Variants in ROBO2 observed in about 807,000 individuals in gnomAD.
ROBO2 encodes the protein roundabout guidance receptor 2.
Under a neutral mutation model 160.8 loss-of-function variants are expected in ROBO2, and 53 were observed. That is an observed-to-expected ratio of 0.33 (90% confidence interval 0.26 to 0.41). The LOEUF is 0.41. Among genes scored for constraint, ROBO2 ranks in the 10% least tolerant of loss-of-function variants. The probability of loss-of-function intolerance (pLI) is 1.00; values close to 1 mark genes in which losing one functional copy is unlikely to be tolerated. For missense variants in ROBO2, 1,577 were observed against 1,722.4 expected, an observed-to-expected ratio of 0.92 and a Z score of 1.49; for synonymous variants, 664 against 611.7, an observed-to-expected ratio of 1.09 and a Z score of -1.26.
At chr3:77,359,180 C>T (rs1222109786) in intron 2 of ROBO2, among the ~76,000 whole-genome samples, 2 of 152,126 alleles carry the variant, frequency 1.3e-5, no homozygotes, top group African/African-American at 2.4e-5. Context: ...GGATTTTATT[C>T]GTTTCTCAGG....
rs773311811 is a variant in ROBO2, at chr3:76,972,623, C to T, written c.110-125391C>T. Among the ~76,000 whole-genome samples, 12 of 151,790 alleles carry T rather than the reference C, an allele frequency of 7.9e-5. 1 individual carries two copies. Among genetic ancestry groups the T allele is most frequent in the Admixed American group, 7.9e-4 (12 of 15,186 alleles). On this transcript the variant is annotated intron_variant, in intron 2 of 26. Transcript: ENST00000487694. ...CTGTAATCCCAGTGCTTTGGGAAGC[C>T]GAGGTGGAGGACTGCGTGAACCTAG...
At position 76,200,866 on chromosome 3, in the gene ROBO2, G is replaced by A. The variant is rs565130510; in HGVS notation, c.109+263264G>A. 2.6e-4 allele frequency among the ~76,000 whole-genome samples: 40 copies of A among 152,126 alleles called. No individual in the cohort carries two copies. In the South Asian group the frequency reaches 2.7e-3, roughly 10 times the overall value. ...TGGGCAGCTTGGAGCCAGCTCACACGTTAGATTTGGACCCCTTACAAAACT... is the reference window on the plus strand; with the variant it reads ...TGGGCAGCTTGGAGCCAGCTCACACATTAGATTTGGACCCCTTACAAAACT... On this transcript the variant is annotated intron_variant, in intron 2 of 26. Coordinates refer to the ROBO2 transcript ENST00000487694.
At chr3:76,812,426 G>C (rs1281236792) in intron 2 of ROBO2, among the ~76,000 whole-genome samples, 2 of 149,432 alleles carry the variant, frequency 1.3e-5, no homozygotes, top group Non-Finnish European at 3.0e-5. Flanking sequence ...GCAGCCCTTA[G>C]TTATCAGAGA....
intron 5 of ROBO2, among the ~76,000 whole-genome samples, chr3:77,518,222 G>A (rs566517612): frequency 2.0e-5 from 3 of 151,590 alleles, no homozygotes; most frequent in East Asian, 3.9e-4. Context: ...TGGGAGGACT[G>A]ATTGGTTGCA....
intron 2 of ROBO2, among the ~76,000 whole-genome samples, chr3:77,098,704 A>G (rs940435292): frequency 2.0e-5 from 3 of 151,996 alleles, no homozygotes; most frequent in African/African-American, 2.4e-5. Flanking sequence ...AAAGAAAAAA[A>G]AAATTATCCG....
At chr3:77,280,879 G>A (rs1233348201) in intron 2 of ROBO2, among the ~76,000 whole-genome samples, 1 of 152,198 alleles carries the variant, frequency 6.6e-6, no homozygotes, top group Non-Finnish European at 1.5e-5. Context: ...AATCAAAATC[G>A]ACATTGGAAA....
chr3:77,288,977 A>C (rs1003018629), intron 2 of ROBO2, among the ~76,000 whole-genome samples: 5 of 152,116 alleles, frequency 3.3e-5, no homozygotes, highest in African/African-American at 1.2e-4. Flanking sequence ...AATTTAGTAA[A>C]TTTGTATGTG....
chr3:76,413,197 G>A (rs1488789574), intron 2 of ROBO2, among the ~76,000 whole-genome samples: 1 of 152,134 alleles, frequency 6.6e-6, no homozygotes, highest in Non-Finnish European at 1.5e-5. Flanking sequence ...CCCTGCCCAC[G>A]AAACCACTTT....
intron 2 of ROBO2, among the ~76,000 whole-genome samples, chr3:77,355,933 A>C (rs1014142128): frequency 6.6e-6 from 1 of 152,098 alleles, no homozygotes. Context: ...CCAAAAAAAA[A>C]AAAATGGGTA....
intron 2 of ROBO2, among the ~76,000 whole-genome samples, chr3:76,109,411 A>G (rs2070112484): frequency 6.6e-6 from 1 of 152,026 alleles, no homozygotes; most frequent in South Asian, 2.1e-4. Flanking sequence ...GTCAGGTACC[A>G]CTACTACTAA....
chr3:76,121,993 A>G (rs2070770600), intron 2 of ROBO2, among the ~76,000 whole-genome samples: 1 of 152,214 alleles, frequency 6.6e-6, no homozygotes, highest in South Asian at 2.1e-4. Context: ...TAGTCATGAT[A>G]CTTGTATTTA....
At chr3:76,140,429 T>G (rs763848300) in intron 2 of ROBO2, among the ~76,000 whole-genome samples, 4 of 152,024 alleles carry the variant, frequency 2.6e-5, no homozygotes, top group Non-Finnish European at 5.9e-5. Context: ...ATTAACTGAT[T>G]TAATCTTCAT....
intron 2 of ROBO2, among the ~76,000 whole-genome samples, chr3:76,158,989 A>C (rs972032504): frequency 2.0e-5 from 3 of 152,192 alleles, no homozygotes; most frequent in Admixed American, 6.5e-5. Context: ...GAATTAAAAG[A>C]ATTATAAGTG....
chr3:76,240,939 A>G (rs1705246556), intron 2 of ROBO2, among the ~76,000 whole-genome samples: 1 of 152,216 alleles, frequency 6.6e-6, no homozygotes, highest in African/African-American at 2.4e-5. Flanking sequence ...ATAGTTTAAC[A>G]TGTAGTAATT....
intron 2 of ROBO2, among the ~76,000 whole-genome samples, chr3:76,826,281 A>C (rs1265793267): frequency 2.6e-5 from 4 of 152,198 alleles, no homozygotes; most frequent in South Asian, 2.1e-4. Context: ...TAAGGCACAC[A>C]CTAGGGCCTC....
At chr3:76,138,995 G>C (rs965628592) in intron 2 of ROBO2, among the ~76,000 whole-genome samples, 8 of 152,086 alleles carry the variant, frequency 5.3e-5, no homozygotes, top group Non-Finnish European at 1.0e-4. Context: ...AGAATGTTTT[G>C]GCAAGAAATG....
At chr3:76,751,689 A>C (rs987222640) in intron 2 of ROBO2, among the ~76,000 whole-genome samples, 128 of 152,192 alleles carry the variant, frequency 8.4e-4, no homozygotes, top group African/African-American at 2.8e-3. Flanking sequence ...CACATGAAAA[A>C]AATGCTCATC....
intron 2 of ROBO2, among the ~76,000 whole-genome samples, chr3:77,346,427 A>T (rs917132595): frequency 1.3e-5 from 2 of 152,078 alleles, no homozygotes; most frequent in Non-Finnish European, 2.9e-5. Flanking sequence ...CAACTATTTT[A>T]AAATAATACT....
intron 2 of ROBO2, among the ~76,000 whole-genome samples, chr3:76,193,523 G>C (rs548800478): frequency 6.6e-6 from 1 of 152,208 alleles, no homozygotes; most frequent in Admixed American, 6.5e-5. Flanking sequence ...CCTTGTTCTA[G>C]GGCACAATTA....
Sources: gnomAD v4.1 joint callset for allele counts (sites outside exome capture counted in the v4.1 genomes callset) on GRCh38, gnomAD v4.1.1 for gene constraint, MANE v1.5 for transcripts, NCBI Gene and HGNC (gene_info 2026-07-23, HGNC 2026-07-21) for gene names.